The following PLA2G4E variants were observed in gnomAD, a reference collection of about 807,000 sequenced individuals.
PLA2G4E encodes the protein phospholipase A2 group IVE.
Under a neutral mutation model 109.1 loss-of-function variants are expected in PLA2G4E, and 84 were observed. The ratio of observed to expected loss-of-function variants is 0.77; its 90% CI spans 0.65 to 0.92. The LOEUF (loss-of-function observed/expected upper bound fraction) is 0.92. Among genes scored for constraint, PLA2G4E ranks in the 40% least tolerant of loss-of-function variants. The probability of loss-of-function intolerance (pLI) is 0.00; values close to 1 mark genes in which losing one functional copy is unlikely to be tolerated. For missense variants in PLA2G4E, 1,057 were observed against 1,076.6 expected (o/e 0.98, Z 0.25); for synonymous variants, 469 against 436.1 (o/e 1.08, Z -0.94).
At chr15:42,013,381 G>A (rs561413400) in intron 2 of PLA2G4E, among the ~76,000 whole-genome samples, 46 of 152,358 alleles carry the variant, frequency 3.0e-4, no homozygotes, top group Non-Finnish European at 5.3e-4. Context: ...GAGAGAGTGG[G>A]GAGGAGACAG....
At chr15:42,040,942 T>C (rs1889304289) in intron 1 of PLA2G4E, among the ~76,000 whole-genome samples, 1 of 152,226 alleles carries the variant, frequency 6.6e-6, no homozygotes, top group Non-Finnish European at 1.5e-5. Context: ...TAAAAGATTA[T>C]TGCTAATAAT....
Position 41,983,989 on chromosome 15 carries a change from A to G in PLA2G4E, c.2387-15T>C. ...TCGCTCTACACCTGTGGGCAGCAGG[A>G]TGACTTGTTATAGACTCTGTCATGT... is the stretch of plus-strand genomic sequence containing the variant. On this transcript the variant is annotated splice_polypyrimidine_tract_variant and intron_variant, in intron 19 of 19. Coordinates refer to ENST00000399518, the Ensembl canonical transcript of PLA2G4E. 1 of 1,583,292 alleles carries G rather than the reference A, an allele frequency of 6.3e-7. No individual in the cohort carries two copies. Among genetic ancestry groups the G allele is most frequent in the Non-Finnish European group, 8.6e-7 (1 of 1,162,424 alleles).
At chr15:41,981,686 A>C (rs1414363944) in exon 20 of PLA2G4E, 1 of 152,280 alleles carries the variant, frequency 6.6e-6, no homozygotes, top group Non-Finnish European at 1.5e-5. Context: ...CCTTCGCCTT[A>C]CGATAAACAA....
chr15:42,007,796 GTCCTT>G lies in PLA2G4E; in HGVS notation c.321_325del (p.Arg108HisfsTer11). The G allele has an allele frequency of 6.2e-7, 1 of 1,611,976 alleles. No individual in the cohort carries two copies. The highest frequency in any genetic ancestry group is 8.5e-7 in the Non-Finnish European group (1 of 1,178,948). ...CTCTGGATTTGGGCAGTTGGAGATG[GTCCTT>G]GTCCTCAGCTTCTTCTGAGAGGCGG... On this transcript the variant is annotated frameshift_variant, in exon 3 of 20. Coordinates refer to ENST00000399518, the Ensembl canonical transcript of PLA2G4E. LOFTEE classifies it high-confidence loss of function.
exon 17 of PLA2G4E, chr15:41,987,354 T>C: frequency 3.7e-6 from 6 of 1,613,722 alleles, no homozygotes; most frequent in Non-Finnish European, 5.1e-6. Flanking sequence ...TTTGGGGATT[T>C]CAGGCAGGAT....
At chr15:42,023,290 C>T (rs1283161578) in intron 1 of PLA2G4E, among the ~76,000 whole-genome samples, 1 of 151,612 alleles carries the variant, frequency 6.6e-6, no homozygotes, top group African/African-American at 2.4e-5. Context: ...TTGGTTCTGG[C>T]CCTGCATTTG....
chr15:42,043,125 G>A lies in PLA2G4E; in HGVS notation c.183+7396C>T, dbSNP rs191084650. On this transcript the variant is annotated intron_variant, in intron 1 of 19. Coordinates refer to ENST00000399518, the Ensembl canonical transcript of PLA2G4E. ...CACTGGGCAAGCGGGGGTGGCTCTG[G>A]AAACCTAATGATCTGTTCCAGTTTT... is the stretch of plus-strand genomic sequence containing the variant. Among the ~76,000 whole-genome samples, 544 of 152,250 alleles carry A rather than the reference G, an allele frequency of 3.6e-3. 2 individuals are homozygous for A. The highest frequency in any genetic ancestry group is 0.017 in the Middle Eastern group (5 of 294).
At chr15:41,985,307 C>T (rs1396646935) in intron 18 of PLA2G4E, among the ~76,000 whole-genome samples, 3 of 152,178 alleles carry the variant, frequency 2.0e-5, no homozygotes, top group Admixed American at 6.5e-5. Context: ...CACTTCACTT[C>T]GCCTGGCTTC....
chr15:42,039,270 T>A (rs745516467), intron 1 of PLA2G4E, among the ~76,000 whole-genome samples: 3 of 152,196 alleles, frequency 2.0e-5, no homozygotes, highest in Non-Finnish European at 4.4e-5. Context: ...GCTCAAAAAT[T>A]TCATTTAAAA....
intron 1 of PLA2G4E, among the ~76,000 whole-genome samples, chr15:42,032,523 T>G (rs1889131014): frequency 6.6e-6 from 1 of 152,204 alleles, no homozygotes; most frequent in Non-Finnish European, 1.5e-5. Context: ...TGACTTTAGG[T>G]CAATGTCCAT....
chr15:42,040,834 T>C (rs1342595239), intron 1 of PLA2G4E, among the ~76,000 whole-genome samples: 1 of 152,098 alleles, frequency 6.6e-6, no homozygotes, highest in Non-Finnish European at 1.5e-5. Flanking sequence ...GTAATTGGTA[T>C]GGTGTATAAC....
intron 1 of PLA2G4E, among the ~76,000 whole-genome samples, chr15:42,033,037 T>C (rs16972493): frequency 0.12 from 17,900 of 151,974 alleles, 1,511 homozygotes; most frequent in South Asian, 0.23. Context: ...ATGAGTGGTA[T>C]GTTGTGTAAG....
At chr15:42,041,133 T>C (rs572766933) in intron 1 of PLA2G4E, among the ~76,000 whole-genome samples, 5 of 152,212 alleles carry the variant, frequency 3.3e-5, no homozygotes, top group Non-Finnish European at 5.9e-5. Flanking sequence ...CTTATGAATA[T>C]GCAAACCTTG....
chr15:41,992,642 C>T, intron 13 of PLA2G4E, 95 bp downstream of exon 13: 3 of 1,220,182 alleles, frequency 2.5e-6, no homozygotes, highest in Non-Finnish European at 3.5e-6. Flanking sequence ...AACCTAATCC[C>T]CTGTGTGCAA....
chr15:41,995,383 G>A (rs747854035), exon 12 of PLA2G4E: 1 of 1,613,574 alleles, frequency 6.2e-7, no homozygotes, highest in South Asian at 1.1e-5. Flanking sequence ...ATAGACCGGT[G>A]ATGTAGCTGG....
chr15:42,015,240 C>G (rs186465199), intron 1 of PLA2G4E, among the ~76,000 whole-genome samples: 178 of 152,294 alleles, frequency 1.2e-3, no homozygotes, highest in African/African-American at 4.1e-3. Flanking sequence ...TTTCTGCCTC[C>G]CAGAGGCCCT....
chr15:42,014,279 T>C (rs2068567465), intron 1 of PLA2G4E, among the ~76,000 whole-genome samples: 2 of 152,206 alleles, frequency 1.3e-5, no homozygotes, highest in Admixed American at 1.3e-4. Flanking sequence ...CCTGGGACCC[T>C]GACTGGTTTT....
chr15:42,018,468 C>T (rs56171410), intron 1 of PLA2G4E, among the ~76,000 whole-genome samples: 15,125 of 152,244 alleles, frequency 0.099, 992 homozygotes, highest in Non-Finnish European at 0.14. Context: ...GCCAGCTGGG[C>T]TGCAGCCCTG....
intron 2 of PLA2G4E, among the ~76,000 whole-genome samples, chr15:42,012,423 A>T (rs1390027556): frequency 3.3e-5 from 5 of 152,132 alleles, no homozygotes; most frequent in South Asian, 4.1e-4. Context: ...GGCAATCATT[A>T]ACCTCTTGTT....
Sources: gnomAD v4.1 joint callset for allele counts (sites outside exome capture counted in the v4.1 genomes callset) on GRCh38, gnomAD v4.1.1 for gene constraint, MANE v1.5 for transcripts, NCBI Gene and HGNC (gene_info 2026-07-23, HGNC 2026-07-21) for gene names.